Variants in CHIC2 observed in about 807,000 individuals in gnomAD.
The protein encoded by CHIC2 is cysteine rich hydrophobic domain 2, also known as cysteine-rich hydrophobic domain-containing protein 2.
CHIC2 carries 14 observed loss-of-function variants against 25.9 expected under a neutral mutation model. The ratio of observed to expected loss-of-function variants is 0.54; its 90% confidence interval spans 0.36 to 0.85. CHIC2 has a LOEUF of 0.85. Among genes scored for constraint, CHIC2 ranks in the 40% least tolerant of loss-of-function variants. CHIC2 has a pLI of 0.01. For synonymous variants in CHIC2, 70 were observed against 72.0 expected (o/e 0.97, Z 0.14); for missense variants, 146 against 202.0 (o/e 0.72, Z 1.68).
chr4:54,027,079 A>C (rs1280409896), intron 3 of CHIC2, among the ~76,000 whole-genome samples: 1 of 152,228 alleles, frequency 6.6e-6, no homozygotes, highest in South Asian at 2.1e-4. Flanking sequence ...AGAAAGTAGA[A>C]AGCTGGATGA....
intron 3 of CHIC2, among the ~76,000 whole-genome samples, chr4:54,048,133 C>A (rs971024607): frequency 3.3e-5 from 5 of 152,172 alleles, no homozygotes; most frequent in Admixed American, 1.3e-4. Flanking sequence ...GGATTACAGG[C>A]ACCCGCCACC....
At chr4:54,014,878 G>A (rs1715694526) in intron 3 of CHIC2, among the ~76,000 whole-genome samples, 2 of 152,136 alleles carry the variant, frequency 1.3e-5, no homozygotes, top group Admixed American at 6.6e-5. Flanking sequence ...AGCTGCAGGT[G>A]CAAAAATGAC....
chr4:54,032,879 TGAAA>T, intron 3 of CHIC2, among the ~76,000 whole-genome samples: 1 of 152,182 alleles, frequency 6.6e-6, no homozygotes, highest in Admixed American at 6.5e-5. Flanking sequence ...AATCTCATGT[TGAAA>T]TGTAATCCCC....
chr4:54,058,549 T>TACAC (rs35335887), intron 1 of CHIC2, among the ~76,000 whole-genome samples: 3 of 126,924 alleles, frequency 2.4e-5, no homozygotes, highest in Non-Finnish European at 3.4e-5. Context: ...CATACACACA[T>TACAC]ACACACACAT....
chr4:54,022,635 C>G (rs779647294), intron 3 of CHIC2, among the ~76,000 whole-genome samples: 3 of 152,078 alleles, frequency 2.0e-5, no homozygotes, highest in Non-Finnish European at 2.9e-5. Flanking sequence ...TCATTGCCAC[C>G]CTTCTTCCCA....
intron 3 of CHIC2, among the ~76,000 whole-genome samples, chr4:54,048,196 G>A (rs1461071003): frequency 6.6e-6 from 1 of 152,116 alleles, no homozygotes; most frequent in Non-Finnish European, 1.5e-5. Flanking sequence ...TACCATGTAC[G>A]CCAGACTGGT....
chr4:54,047,488 T>A (rs1280902053), intron 3 of CHIC2, among the ~76,000 whole-genome samples: 2 of 152,106 alleles, frequency 1.3e-5, no homozygotes, highest in East Asian at 3.8e-4. Context: ...GATGAGTTCA[T>A]GTCCTTTGTA....
At chr4:54,061,815 T>C (rs995153908) in intron 1 of CHIC2, among the ~76,000 whole-genome samples, 3 of 152,160 alleles carry the variant, frequency 2.0e-5, no homozygotes, top group African/African-American at 7.2e-5. Flanking sequence ...AAGATCCTTA[T>C]TGTCATCAAA....
the CHIC2 span, among the ~76,000 whole-genome samples, chr4:54,082,147 T>C: frequency 6.6e-6 from 1 of 152,240 alleles, no homozygotes; most frequent in Non-Finnish European, 1.5e-5. Flanking sequence ...TATATGATTT[T>C]GTGCATTGAT....
At chr4:54,091,395 C>T in the CHIC2 span, among the ~76,000 whole-genome samples, 1 of 152,212 alleles carries the variant, frequency 6.6e-6, no homozygotes, top group African/African-American at 2.4e-5. Flanking sequence ...CACGCAGACA[C>T]ACTCCTGCTC....
At position 54,049,237 on chromosome 4, in the gene CHIC2, A is replaced by C; in HGVS notation, c.174+14T>G. ...TTTTGAGGCATACAAATAGTACATA[A>C]ATGAGACACTCACTTTTCCAGTTAA... On this transcript the variant is annotated intron_variant, in intron 2 of 5. Coordinates refer to ENST00000263921, the MANE Select transcript of CHIC2 (RefSeq NM_012110.4). The C allele has an allele frequency of 6.3e-7, 1 of 1,599,378 alleles. No individual in the cohort carries two copies. Among genetic ancestry groups the C allele is most frequent in the Non-Finnish European group, 8.5e-7 (1 of 1,170,670 alleles).
At chr4:54,032,296 C>T (rs1194172583) in intron 3 of CHIC2, among the ~76,000 whole-genome samples, 2 of 132,984 alleles carry the variant, frequency 1.5e-5, no homozygotes, top group African/African-American at 2.8e-5. Flanking sequence ...TCTCCCTCTA[C>T]GGTCTCCCTC....
intron 3 of CHIC2, among the ~76,000 whole-genome samples, chr4:54,044,359 CA>C (rs1716700974): frequency 6.6e-6 from 1 of 152,214 alleles, no homozygotes; most frequent in Non-Finnish European, 1.5e-5. Flanking sequence ...TTCCTTTCGG[CA>C]CCACACCACA....
intron 3 of CHIC2, among the ~76,000 whole-genome samples, chr4:54,047,663 G>A (rs1024837181): frequency 1.6e-5 from 2 of 127,594 alleles, no homozygotes; most frequent in Non-Finnish European, 3.3e-5. Context: ...GTGGGGGGAG[G>A]GGGGAGGGAT....
the CHIC2 span, among the ~76,000 whole-genome samples, chr4:54,089,987 T>G: frequency 1.3e-5 from 2 of 152,200 alleles, no homozygotes; most frequent in Non-Finnish European, 2.9e-5. Context: ...TTTTAGGCTA[T>G]GTACACTGAA....
chr4:54,024,032 C>T (rs988153950), intron 3 of CHIC2, among the ~76,000 whole-genome samples: 10 of 152,196 alleles, frequency 6.6e-5, no homozygotes, highest in African/African-American at 2.4e-4. Context: ...GATAAGGTAG[C>T]TAAACAAGCA....
At chr4:54,088,316 T>G in the CHIC2 span, among the ~76,000 whole-genome samples, 1 of 152,186 alleles carries the variant, frequency 6.6e-6, no homozygotes, top group East Asian at 1.9e-4. Flanking sequence ...TTTTTGCATT[T>G]GAGTCTAATG....
chr4:54,029,136 A>T (rs965563146), intron 3 of CHIC2, among the ~76,000 whole-genome samples: 1 of 152,144 alleles, frequency 6.6e-6, no homozygotes, highest in Non-Finnish European at 1.5e-5. Flanking sequence ...AAAAAAAAAA[A>T]AAAACAAAAG....
Position 54,064,477 on chromosome 4 carries a change from C to A in CHIC2, c.-177G>T, listed in dbSNP as rs1717447630. 3 of 1,444,950 alleles carry A rather than the reference C, an allele frequency of 2.1e-6. No homozygotes were observed. Among genetic ancestry groups the A allele is most frequent in the Middle Eastern group, 2.5e-4 (1 of 3,976 alleles). 89.5% of individuals were successfully genotyped at this position (1,444,950 alleles called of 1,614,324 possible). On this transcript the variant is annotated 5_prime_UTR_variant, in exon 1 of 6. Coordinates refer to ENST00000263921, the MANE Select transcript of CHIC2 (RefSeq NM_012110.4). The surrounding 1 kb of genome is among the most constrained non-coding windows in gnomAD (Gnocchi z 4.2). ...ACAGAGGGGATGGGGTCTGGACCGT[C>A]GCCGCCACCGCCGCCGCCATTACCA...
Sources: gnomAD v4.1 joint callset for allele counts (sites outside exome capture counted in the v4.1 genomes callset) on GRCh38, gnomAD v4.1.1 for gene constraint, Gnocchi (gnomAD v3.1) non-coding constraint, MANE v1.5 for transcripts, NCBI Gene and HGNC (gene_info 2026-07-23, HGNC 2026-07-21) for gene names.